Variants in HEXB observed in about 807,000 individuals in gnomAD.
HEXB encodes the protein hexosaminidase subunit beta.
In HEXB, 51 loss-of-function variants were observed where a neutral mutation model predicts 71.2. The ratio of observed to expected loss-of-function variants is 0.72; its 90% CI spans 0.57 to 0.90. The LOEUF is 0.90. Among genes scored for constraint, HEXB ranks in the 40% least tolerant of loss-of-function variants. The probability of loss-of-function intolerance (pLI) is 0.00; values close to 1 mark genes in which losing one functional copy is unlikely to be tolerated. For missense variants in HEXB, 617 were observed against 677.0 expected, an observed-to-expected ratio of 0.91 and a Z score of 0.98; for synonymous variants, 266 against 249.3, an observed-to-expected ratio of 1.07 and a Z score of -0.63.
At chr5:74,695,714 G>A (rs1330735904) in intron 3 of HEXB, among the ~76,000 whole-genome samples, 14 of 150,932 alleles carry the variant, frequency 9.3e-5, no homozygotes, top group African/African-American at 2.4e-4. Flanking sequence ...GGTGGTGCAC[G>A]CTTGTAGTCC....
intron 1 of HEXB, among the ~76,000 whole-genome samples, chr5:74,657,704 G>A (rs1034954721): frequency 6.6e-6 from 1 of 152,178 alleles, no homozygotes; most frequent in Non-Finnish European, 1.5e-5. Context: ...ATAAGAATGT[G>A]TTTTCCTTTG....
chr5:74,646,043 A>C (rs1044817982), intron 1 of HEXB, among the ~76,000 whole-genome samples: 7 of 151,734 alleles, frequency 4.6e-5, no homozygotes, highest in Admixed American at 1.3e-4. Context: ...TGGGTGTTTG[A>C]GGGGCAAGTA....
chr5:74,713,945 A>G, intron 7 of HEXB, among the ~76,000 whole-genome samples: 1 of 152,166 alleles, frequency 6.6e-6, no homozygotes, highest in East Asian at 1.9e-4. Flanking sequence ...GGTTCAAGCG[A>G]TTCTCCTGCC....
intron 9 of HEXB, among the ~76,000 whole-genome samples, chr5:74,717,477 C>CATATATATATATATATAT (rs57555383): frequency 6.8e-5 from 10 of 146,668 alleles, no homozygotes; most frequent in Admixed American, 4.1e-4. Context: ...CTGAAAAATG[C>CATATATATATATATATAT]ATATATATAT....
upstream of HEXB, among the ~76,000 whole-genome samples, chr5:74,681,459 AT>A (rs1561212022): frequency 3.3e-5 from 5 of 152,188 alleles, no homozygotes; most frequent in African/African-American, 1.2e-4. Context: ...GTGTATTGGT[AT>A]AGGCCTGTAG....
chr5:74,663,381 G>A (rs1362949922), intron 1 of HEXB, among the ~76,000 whole-genome samples: 1 of 152,128 alleles, frequency 6.6e-6, no homozygotes, highest in African/African-American at 2.4e-5. Context: ...AGTAGAGACA[G>A]GGTTTTGCCA....
chr5:74,719,380 G>C (rs1434983363), intron 11 of HEXB, among the ~76,000 whole-genome samples: 3 of 152,096 alleles, frequency 2.0e-5, no homozygotes, highest in African/African-American at 7.2e-5. Context: ...GTGGATTTCA[G>C]GCTGTGTTGT....
intron 1 of HEXB, among the ~76,000 whole-genome samples, chr5:74,659,780 C>T (rs966980746): frequency 6.6e-6 from 1 of 152,188 alleles, no homozygotes; most frequent in African/African-American, 2.4e-5. Context: ...ACATGAAGTG[C>T]TCTTCTTCAA....
chr5:74,708,892 A>C (rs1400602400), intron 6 of HEXB, among the ~76,000 whole-genome samples: 1 of 152,158 alleles, frequency 6.6e-6, no homozygotes, highest in Non-Finnish European at 1.5e-5. Flanking sequence ...ACGAGACAGA[A>C]AGTCAACAAG....
At position 74,716,685 on chromosome 5, in the gene HEXB, G is replaced by T; in HGVS notation, c.1169+12G>T. The T allele has an allele frequency of 6.6e-7, 1 of 1,514,742 alleles. No individual in the cohort carries two copies. Among genetic ancestry groups the T allele is most frequent in the South Asian group, 1.1e-5 (1 of 88,174 alleles). The allele number at this position is 1,514,742 out of a possible 1,614,324, so 93.8% of individuals were successfully genotyped here. On this transcript the variant is annotated intron_variant, in intron 9 of 13. Transcript: ENST00000261416. Reference sequence around the variant, plus strand: ...TTCTACATTCAAAAGTAAGTTGTTTGAAAGCCTATTTCTGTATTAATGCTT... The same window carrying T: ...TTCTACATTCAAAAGTAAGTTGTTTTAAAGCCTATTTCTGTATTAATGCTT...
intron 6 of HEXB, among the ~76,000 whole-genome samples, chr5:74,712,419 T>C (rs1749567763): frequency 6.8e-6 from 1 of 148,076 alleles, no homozygotes; most frequent in Non-Finnish European, 1.5e-5. Flanking sequence ...ACCCTAAAAC[T>C]TAAAGTATGA....
chr5:74,715,719 A>G (rs774743513), intron 8 of HEXB, 29 bp downstream of exon 8: 2 of 1,462,724 alleles, frequency 1.4e-6, no homozygotes, highest in Non-Finnish European at 9.5e-7. Flanking sequence ...ACCCCTTTAA[A>G]AAAAAAAAAA....
intron 5 of HEXB, among the ~76,000 whole-genome samples, chr5:74,702,033 C>T (rs1298015473): frequency 6.7e-6 from 1 of 148,956 alleles, no homozygotes; most frequent in East Asian, 2.0e-4. Context: ...TCTCTTTGGC[C>T]ACCATTAATC....
At chr5:74,645,041 G>T (rs778078836) in intron 1 of HEXB, among the ~76,000 whole-genome samples, 2 of 151,922 alleles carry the variant, frequency 1.3e-5, no homozygotes, top group Admixed American at 1.3e-4. Flanking sequence ...CAAAGTGCTG[G>T]GATTACAGGT....
intron 6 of HEXB, among the ~76,000 whole-genome samples, chr5:74,711,524 G>T (rs916494211): frequency 6.6e-6 from 1 of 152,046 alleles, no homozygotes; most frequent in Non-Finnish European, 1.5e-5. Flanking sequence ...GAAAATTTTC[G>T]CAACCTACTC....
At chr5:74,661,559 GTGTGTC>G (rs1748326006) in intron 1 of HEXB, among the ~76,000 whole-genome samples, 6 of 134,522 alleles carry the variant, frequency 4.5e-5, no homozygotes, top group South Asian at 2.4e-4. Context: ...GTGTGTGTGT[GTGTGTC>G]TCTCTCTCTC....
At chr5:74,678,072 G>A (rs1004587828) in intron 1 of HEXB, among the ~76,000 whole-genome samples, 3 of 152,108 alleles carry the variant, frequency 2.0e-5, no homozygotes, top group Non-Finnish European at 1.5e-5. Context: ...CCAGGAGGGT[G>A]GATCACCTGA....
chr5:74,657,854 T>C (rs557528123), intron 1 of HEXB, among the ~76,000 whole-genome samples: 1 of 152,356 alleles, frequency 6.6e-6, no homozygotes, highest in South Asian at 2.1e-4. Flanking sequence ...GTTACCCTTT[T>C]GTTGTATATA....
In HEXB at chr5:74,718,298, G is replaced by A; in HGVS notation, c.1177G>A (p.Asp393Asn). The A allele has an allele frequency of 6.2e-7, 1 of 1,602,166 alleles. No individual in the cohort carries two copies. Residue 393 changes from aspartate (D) to asparagine (N), a missense_variant, in exon 10 of 14, where the codon GAT (aspartate) becomes AAT (asparagine). By Grantham distance (23) the Asp-to-Asn change is conservative. Coordinates refer to ENST00000261416, the MANE Select transcript of HEXB (RefSeq NM_000521.4). Reference protein sequence around the residue: ...LESFYIQKVLDIIATINKGSI... With the variant: ...LESFYIQKVLNIIATINKGSI... ...ATTTTTTTGTAATACTAGGGTTTTGGATATTATTGCAACCATAAACAAGGG... is the reference window on the plus strand; with the variant it reads ...ATTTTTTTGTAATACTAGGGTTTTGAATATTATTGCAACCATAAACAAGGG...
Sources: gnomAD v4.1 joint callset for allele counts (sites outside exome capture counted in the v4.1 genomes callset) on GRCh38, gnomAD v4.1.1 for gene constraint, MANE v1.5 for transcripts, NCBI Gene and HGNC (gene_info 2026-07-23, HGNC 2026-07-21) for gene names.